The following NRXN1 variants were observed in gnomAD, a reference collection of about 807,000 sequenced individuals.
NRXN1 encodes neurexin-1.
In NRXN1, 39 loss-of-function variants were observed where a neutral mutation model predicts 150.9. That is an observed-to-expected ratio of 0.26 (90% CI 0.20 to 0.34). The LOEUF (loss-of-function observed/expected upper bound fraction) is 0.34. Ranked by LOEUF, NRXN1 falls within the 10% of genes least tolerant of loss-of-function variation. The pLI, the probability that NRXN1 is intolerant of heterozygous loss-of-function variation, is 1.00. For missense variants in NRXN1, 1,815 were observed against 1,949.9 expected (o/e 0.93, Z 1.30); for synonymous variants, 924 against 757.0 (o/e 1.22, Z -3.62).
intron 18 of NRXN1, among the ~76,000 whole-genome samples, chr2:50,178,222 G>A (rs1352699292): frequency 1.3e-5 from 2 of 152,024 alleles, no homozygotes; most frequent in East Asian, 3.9e-4. Context: ...CAGCTAGCCC[G>A]AATATTTTTG....
intron 8 of NRXN1, among the ~76,000 whole-genome samples, chr2:50,563,443 C>T (rs1669408262): frequency 6.6e-6 from 1 of 152,132 alleles, no homozygotes; most frequent in African/African-American, 2.4e-5. Flanking sequence ...TAATTCTATT[C>T]CAATAAACAC....
intron 13 of NRXN1, among the ~76,000 whole-genome samples, chr2:50,501,214 G>T (rs1377914744): frequency 6.6e-6 from 1 of 152,112 alleles, no homozygotes; most frequent in Non-Finnish European, 1.5e-5. Context: ...ATGAAGGAAG[G>T]CTTTTGGATA....
At chr2:50,148,556 C>T (rs756248386) in intron 18 of NRXN1, among the ~76,000 whole-genome samples, 27 of 151,604 alleles carry the variant, frequency 1.8e-4, no homozygotes, top group Non-Finnish European at 4.0e-4. Flanking sequence ...TTCCTGAACA[C>T]AGGTCCATTG....
intron 5 of NRXN1, among the ~76,000 whole-genome samples, chr2:50,695,335 G>C (rs1470407899): frequency 2.0e-5 from 3 of 152,132 alleles, no homozygotes; most frequent in Non-Finnish European, 4.4e-5. Flanking sequence ...CCAGCATCAA[G>C]CTTTGCTAAA....
At chr2:50,722,274 G>A (rs1385663150) in intron 5 of NRXN1, among the ~76,000 whole-genome samples, 3 of 152,074 alleles carry the variant, frequency 2.0e-5, no homozygotes, top group Non-Finnish European at 2.9e-5. Context: ...ACAGCAAAAG[G>A]AGGTGATAAA....
intron 17 of NRXN1, among the ~76,000 whole-genome samples, chr2:50,378,099 T>C (rs1349157613): frequency 1.3e-5 from 2 of 152,110 alleles, no homozygotes; most frequent in Non-Finnish European, 2.9e-5. Flanking sequence ...TCACATTCAA[T>C]AGGTTAGTCA....
chr2:50,051,950 G>C (rs568667443), intron 21 of NRXN1, among the ~76,000 whole-genome samples: 1 of 152,024 alleles, frequency 6.6e-6, no homozygotes, highest in South Asian at 2.1e-4. Flanking sequence ...TGCACATGTA[G>C]GTACAATATA....
Position 50,846,419 on chromosome 2 carries a change from A to G in NRXN1, c.832+75450T>C, listed in dbSNP as rs540934030. Among the ~76,000 whole-genome samples, 4 of 152,266 alleles carry G rather than the reference A, an allele frequency of 2.6e-5. No individual in the cohort carries two copies. The South Asian group carries it at 6.2e-4, about 24-fold the overall frequency. ...GTTAACAACCTCTGGGTCGGCAAGC[A>G]AGACTTTTTTTTTTTCTTGCTTTTA... is the stretch of plus-strand genomic sequence containing the variant. On this transcript the variant is annotated intron_variant, in intron 5 of 22. Coordinates refer to ENST00000401669, the MANE Select transcript of NRXN1 (RefSeq NM_001330078.2).
At chr2:50,543,731 T>C (rs1207739675) in intron 9 of NRXN1, among the ~76,000 whole-genome samples, 1 of 152,142 alleles carries the variant, frequency 6.6e-6, no homozygotes, top group East Asian at 1.9e-4. Context: ...AACTTTTCTA[T>C]CCTATTTTTA....
intron 5 of NRXN1, among the ~76,000 whole-genome samples, chr2:50,629,888 T>G (rs987146334): frequency 2.7e-5 from 4 of 150,440 alleles, no homozygotes; most frequent in Non-Finnish European, 4.5e-5. Context: ...TTGGTAGTAA[T>G]TGTTTGAAGA....
At chr2:50,773,768 T>C (rs1429115789) in intron 5 of NRXN1, among the ~76,000 whole-genome samples, 1 of 152,132 alleles carries the variant, frequency 6.6e-6, no homozygotes, top group Non-Finnish European at 1.5e-5. Flanking sequence ...CCATTTGTTC[T>C]AAACTGAGGT....
chr2:50,089,586 A>C (rs186024030), intron 19 of NRXN1, among the ~76,000 whole-genome samples: 1 of 152,282 alleles, frequency 6.6e-6, no homozygotes, highest in Admixed American at 6.5e-5. Context: ...CAGGTGTTCA[A>C]GACCAGCCTG....
chr2:50,383,155 T>A (rs892603117), intron 17 of NRXN1, among the ~76,000 whole-genome samples: 1 of 152,162 alleles, frequency 6.6e-6, no homozygotes, highest in Non-Finnish European at 1.5e-5. Context: ...AAACTTTGAA[T>A]CCCAACTTAG....
chr2:50,571,580 A>G (rs1039691539), intron 8 of NRXN1, among the ~76,000 whole-genome samples: 8 of 152,170 alleles, frequency 5.3e-5, no homozygotes, highest in Non-Finnish European at 1.2e-4. Context: ...CGGATCTGCT[A>G]AGATATTTTT....
At chr2:50,335,204 T>C (rs961156560) in intron 17 of NRXN1, among the ~76,000 whole-genome samples, 3 of 152,184 alleles carry the variant, frequency 2.0e-5, no homozygotes, top group African/African-American at 7.2e-5. Flanking sequence ...AATTCGCTAG[T>C]TATGTTTTAA....
intron 17 of NRXN1, among the ~76,000 whole-genome samples, chr2:50,427,584 T>A (rs2084602406): frequency 6.6e-6 from 1 of 152,192 alleles, no homozygotes; most frequent in South Asian, 2.1e-4. Flanking sequence ...GTGACTGCTA[T>A]CTTCCTCTTT....
chr2:50,845,705 C>A (rs1673542879), intron 5 of NRXN1, among the ~76,000 whole-genome samples: 1 of 152,150 alleles, frequency 6.6e-6, no homozygotes, highest in Non-Finnish European at 1.5e-5. Context: ...GCATATTCCA[C>A]AAAGAAGCAA....
intron 17 of NRXN1, among the ~76,000 whole-genome samples, chr2:50,259,128 C>A (rs1243365131): frequency 6.6e-6 from 1 of 151,944 alleles, no homozygotes; most frequent in East Asian, 1.9e-4. Context: ...CTGTCTTTTG[C>A]ACCTCTGAAA....
intron 17 of NRXN1, among the ~76,000 whole-genome samples, chr2:50,273,710 A>AATTCC (rs2070021738): frequency 6.6e-6 from 1 of 152,152 alleles, no homozygotes; most frequent in Non-Finnish European, 1.5e-5. Context: ...AGTCCATGTT[A>AATTCC]ATTCCACTTG....
Sources: gnomAD v4.1 joint callset for allele counts (sites outside exome capture counted in the v4.1 genomes callset) on GRCh38, gnomAD v4.1.1 for gene constraint, MANE v1.5 for transcripts, NCBI Gene and HGNC (gene_info 2026-07-23, HGNC 2026-07-21) for gene names.